Variants in GMDS observed in about 807,000 individuals in gnomAD.
GMDS encodes GDP-mannose 4,6-dehydratase.
GMDS carries 20 observed loss-of-function variants against 49.9 expected under a neutral mutation model. The ratio of observed to expected loss-of-function variants is 0.40; its 90% confidence interval spans 0.28 to 0.58. The LOEUF (loss-of-function observed/expected upper bound fraction) is 0.58. GMDS is among the 20% of genes least tolerant of loss of function. The pLI is 0.42. For missense variants in GMDS, 362 were observed against 481.4 expected, an observed-to-expected ratio of 0.75 and a Z score of 2.32; for synonymous variants, 177 against 178.6, an observed-to-expected ratio of 0.99 and a Z score of 0.07.
At chr6:1,821,549 G>A (rs965783834) in intron 7 of GMDS, among the ~76,000 whole-genome samples, 1 of 149,376 alleles carries the variant, frequency 6.7e-6, no homozygotes, top group Non-Finnish European at 1.5e-5. Flanking sequence ...CATTCCAAAC[G>A]TTTTAATATA....
chr6:1,930,551 G>A (rs1418762421), intron 6 of GMDS: 1 of 209,242 alleles, frequency 4.8e-6, no homozygotes, highest in African/African-American at 2.3e-5. Flanking sequence ...TGGAATGCCA[G>A]TTTTTAAACA....
intron 1 of GMDS, among the ~76,000 whole-genome samples, chr6:2,174,970 A>G (rs1368712031): frequency 6.6e-6 from 1 of 152,216 alleles, no homozygotes; most frequent in Non-Finnish European, 1.5e-5. Flanking sequence ...ACTTGGGGCC[A>G]GGTCTACAGC....
At chr6:1,716,545 C>G (rs180780747) in intron 9 of GMDS, among the ~76,000 whole-genome samples, 2 of 152,306 alleles carry the variant, frequency 1.3e-5, no homozygotes, top group East Asian at 1.9e-4. Flanking sequence ...AGCTGCTGCA[C>G]AGACAGGCTT....
chr6:1,681,170 C>T (rs1234388946), intron 9 of GMDS, among the ~76,000 whole-genome samples: 1 of 152,072 alleles, frequency 6.6e-6, no homozygotes, highest in Admixed American at 6.5e-5. Flanking sequence ...ACACCTCCCC[C>T]ACCGAGAGGC....
At chr6:2,244,035 T>A (rs1261319760) in intron 1 of GMDS, among the ~76,000 whole-genome samples, 5 of 151,790 alleles carry the variant, frequency 3.3e-5, no homozygotes, top group African/African-American at 9.7e-5. Context: ...CCTCATTTTT[T>A]AAATTTTTTT....
intron 4 of GMDS, among the ~76,000 whole-genome samples, chr6:2,115,161 A>C (rs867637254): frequency 6.6e-6 from 1 of 152,158 alleles, no homozygotes; most frequent in Non-Finnish European, 1.5e-5. Context: ...AACTTGAATT[A>C]AGCAGACCAC....
chr6:2,076,314 C>T (rs965035861), intron 4 of GMDS, among the ~76,000 whole-genome samples: 8 of 152,042 alleles, frequency 5.3e-5, no homozygotes, highest in Non-Finnish European at 7.4e-5. Flanking sequence ...GAATCAATAT[C>T]GTGAAAATGG....
At chr6:1,945,926 T>C (rs1290134979) in intron 6 of GMDS, among the ~76,000 whole-genome samples, 1 of 152,202 alleles carries the variant, frequency 6.6e-6, no homozygotes, top group African/African-American at 2.4e-5. Flanking sequence ...ATTCCCAGGA[T>C]AGTGTCTATA....
At chr6:1,653,545 G>A (rs1289896251) in intron 9 of GMDS, among the ~76,000 whole-genome samples, 1 of 152,184 alleles carries the variant, frequency 6.6e-6, no homozygotes, top group African/African-American at 2.4e-5. Flanking sequence ...CACATTTCCT[G>A]ATTTGAAAAC....
chr6:2,062,050 G>A lies in GMDS; in HGVS notation c.345+53721C>T, dbSNP rs1460597683. On this transcript the variant is annotated intron_variant, in intron 4 of 10. Transcript: ENST00000380815. ...AGCTGAATAAAATTGAGAACTATAT[G>A]TTAATCATTCACTCAATATTTTCTT... 2.6e-5 allele frequency among the ~76,000 whole-genome samples: 4 copies of A among 152,224 alleles called. No individual in the cohort carries two copies. In the East Asian group the frequency reaches 7.7e-4, roughly 29 times the overall value.
intron 4 of GMDS, among the ~76,000 whole-genome samples, chr6:2,003,412 C>T (rs1766955169): frequency 6.6e-6 from 1 of 152,066 alleles, no homozygotes; most frequent in African/African-American, 2.4e-5. Flanking sequence ...AAAGCACTGC[C>T]AAGCGAAATG....
chr6:1,827,431 TGGAAAACC>T (rs1381954799), intron 7 of GMDS, among the ~76,000 whole-genome samples: 11 of 37,902 alleles, frequency 2.9e-4, no homozygotes, highest in African/African-American at 1.7e-3. Flanking sequence ...ACACACGTTT[TGGAAAACC>T]TGTATATACA....
At position 1,798,747 on chromosome 6, in the gene GMDS, C is replaced by T. The variant is rs78689743; in HGVS notation, c.772-56161G>A. Among the ~76,000 whole-genome samples the T allele has an allele frequency of 1.0e-3, 155 of 152,250 alleles. No individual in the cohort carries two copies. The East Asian group carries it at 0.017, about 17-fold the overall frequency. On this transcript the variant is annotated intron_variant, in intron 7 of 10. Transcript: ENST00000380815. ...ACTGTAAAGTTCTGTTTTGCCAGTG[C>T]CTCCCTTGCAATCAGATCCCATTTT... is the stretch of plus-strand genomic sequence containing the variant.
chr6:2,105,061 A>G (rs1713307793), intron 4 of GMDS, among the ~76,000 whole-genome samples: 1 of 151,502 alleles, frequency 6.6e-6, no homozygotes, highest in Non-Finnish European at 1.5e-5. Flanking sequence ...AGGCACCTGT[A>G]GTCCCAGCGA....
chr6:1,723,065 G>A (rs1311466954), intron 9 of GMDS, among the ~76,000 whole-genome samples: 3 of 152,160 alleles, frequency 2.0e-5, no homozygotes, highest in Non-Finnish European at 4.4e-5. Flanking sequence ...TGGTACAGAA[G>A]CGATATTGAA....
intron 1 of GMDS, among the ~76,000 whole-genome samples, chr6:2,230,744 GA>G (rs889775771): frequency 1.6e-4 from 23 of 147,446 alleles, no homozygotes; most frequent in South Asian, 4.3e-4. Context: ...AAGCCAAAAG[GA>G]AAAAAAAAGG....
chr6:2,077,709 T>C (rs1468338968), intron 4 of GMDS, among the ~76,000 whole-genome samples: 1 of 152,154 alleles, frequency 6.6e-6, no homozygotes, highest in East Asian at 1.9e-4. Context: ...GATTTTTGAA[T>C]CCATATTCAT....
At chr6:1,939,764 T>C (rs545773278) in intron 6 of GMDS, among the ~76,000 whole-genome samples, 1 of 152,290 alleles carries the variant, frequency 6.6e-6, no homozygotes, top group African/African-American at 2.4e-5. Flanking sequence ...ACAATGGAAT[T>C]GCCTTTAAGA....
At chr6:1,747,140 G>A (rs1767530254) in intron 7 of GMDS, among the ~76,000 whole-genome samples, 1 of 152,154 alleles carries the variant, frequency 6.6e-6, no homozygotes, top group Admixed American at 6.5e-5. Context: ...TGCCAGCTCT[G>A]GTGGCTGTTC....
Sources: allele counts gnomAD v4.1 joint callset (sites outside exome capture counted in the v4.1 genomes callset), GRCh38; gene constraint gnomAD v4.1.1; transcripts MANE v1.5; gene names NCBI Gene and HGNC (gene_info 2026-07-23, HGNC 2026-07-21).